The following ASIC2 variants were observed in gnomAD, a reference collection of about 807,000 sequenced individuals.
ASIC2 encodes acid-sensing ion channel 2.
In ASIC2, 25 loss-of-function variants were observed where a neutral mutation model predicts 57.3. That is an observed-to-expected ratio of 0.44 (90% CI 0.32 to 0.61). The LOEUF is 0.61. Among genes scored for constraint, ASIC2 ranks in the 20% least tolerant of loss-of-function variants. The pLI is 0.06. For synonymous variants in ASIC2, 319 were observed against 307.5 expected, an observed-to-expected ratio of 1.04 and a Z score of -0.39; for missense variants, 641 against 738.1, an observed-to-expected ratio of 0.87 and a Z score of 1.52.
Position 33,899,084 on chromosome 17 carries a change from C to T in ASIC2, c.555+256894G>A, listed in dbSNP as rs1412271013. Among the ~76,000 whole-genome samples, 2 of 150,730 alleles carry T rather than the reference C, an allele frequency of 1.3e-5. 1 individual carries two copies. Among genetic ancestry groups the T allele is most frequent in the Middle Eastern group, 6.8e-3 (2 of 292 alleles). On this transcript the variant is annotated intron_variant, in intron 1 of 9. Transcript: ENST00000359872. ...GAGAGCTTGCAGTGAGCTGAGATCGCGCCACTGCACTCCAGCCTGGGCGAC... is the reference window on the plus strand; with the variant it reads ...GAGAGCTTGCAGTGAGCTGAGATCGTGCCACTGCACTCCAGCCTGGGCGAC...
At chr17:33,646,833 G>A (rs548017158) in intron 1 of ASIC2, among the ~76,000 whole-genome samples, 28 of 152,216 alleles carry the variant, frequency 1.8e-4, no homozygotes, top group African/African-American at 6.5e-4. Flanking sequence ...AAATGGCAGA[G>A]TGACAGAGTA....
At chr17:33,550,453 A>G (rs1244659239) in intron 1 of ASIC2, among the ~76,000 whole-genome samples, 2 of 152,234 alleles carry the variant, frequency 1.3e-5, no homozygotes, top group Admixed American at 6.5e-5. Context: ...AGCTGCAGTG[A>G]TGTCACAGGA....
At chr17:33,621,497 T>G (rs1905797483) in intron 1 of ASIC2, among the ~76,000 whole-genome samples, 1 of 152,212 alleles carries the variant, frequency 6.6e-6, no homozygotes, top group South Asian at 2.1e-4. Context: ...CAGTGTACGC[T>G]GGTTCATCCT....
chr17:33,227,220 G>T (rs1907914475), intron 1 of ASIC2, among the ~76,000 whole-genome samples: 1 of 152,210 alleles, frequency 6.6e-6, no homozygotes, highest in East Asian at 1.9e-4. Context: ...TGCCACCCTA[G>T]TTGGAGGGGC....
At chr17:33,380,595 C>T (rs1909452566) in intron 1 of ASIC2, among the ~76,000 whole-genome samples, 1 of 152,198 alleles carries the variant, frequency 6.6e-6, no homozygotes, top group Non-Finnish European at 1.5e-5. Context: ...GGGTCTAGGC[C>T]AAGCTGTCGC....
chr17:33,949,627 G>A (rs1050146298), intron 1 of ASIC2, among the ~76,000 whole-genome samples: 5 of 152,166 alleles, frequency 3.3e-5, no homozygotes, highest in South Asian at 2.1e-4. Context: ...CAAACCATGC[G>A]TCATGTCCTC....
intron 1 of ASIC2, among the ~76,000 whole-genome samples, chr17:34,117,975 G>T (rs937466528): frequency 2.6e-5 from 4 of 152,176 alleles, no homozygotes; most frequent in African/African-American, 9.6e-5. Flanking sequence ...CCATTCTCTA[G>T]TGCAACTTCT....
chr17:33,669,955 G>A (rs77658650), intron 1 of ASIC2, among the ~76,000 whole-genome samples: 2,155 of 152,306 alleles, frequency 0.014, 26 homozygotes, highest in African/African-American at 0.026. Context: ...TGAAAAGGTT[G>A]AGAGATTTTA....
intron 1 of ASIC2, among the ~76,000 whole-genome samples, chr17:33,694,279 A>G (rs1321546274): frequency 6.6e-6 from 1 of 152,168 alleles, no homozygotes; most frequent in Non-Finnish European, 1.5e-5. Flanking sequence ...TCATATGAAA[A>G]TGCGTTCCAT....
chr17:33,405,344 G>C (rs1372271199), intron 1 of ASIC2, among the ~76,000 whole-genome samples: 1 of 152,084 alleles, frequency 6.6e-6, no homozygotes, highest in Non-Finnish European at 1.5e-5. Context: ...CCAAAGTAGT[G>C]TATTAACTAT....
At chr17:33,887,238 G>A (rs1404432901) in intron 1 of ASIC2, among the ~76,000 whole-genome samples, 2 of 152,156 alleles carry the variant, frequency 1.3e-5, no homozygotes, top group Admixed American at 1.3e-4. Context: ...GCATTGTATT[G>A]TGTACTGCTA....
Position 33,590,581 on chromosome 17 carries a change from AATCTCTATACCACAC to A in ASIC2, c.556-478529_556-478515del, listed in dbSNP as rs1567662627. On this transcript the variant is annotated intron_variant, in intron 1 of 9. Coordinates refer to the ASIC2 transcript ENST00000359872. The stretch of plus-strand genomic sequence containing the variant: ...CACCCCAATCTCTACACCACACCCC[AATCTCTATACCACAC>A]CCCAGTCTCTACACCACACCCCAGT... Among the ~76,000 whole-genome samples the A allele has an allele frequency of 4.9e-3, 748 of 151,464 alleles. 5 individuals carry two copies. Among genetic ancestry groups the A allele is most frequent in the African/African-American group, 0.017 (718 of 41,206 alleles).
intron 1 of ASIC2, among the ~76,000 whole-genome samples, chr17:33,608,200 C>T (rs945193350): frequency 1.3e-5 from 2 of 152,146 alleles, no homozygotes; most frequent in African/African-American, 4.8e-5. Flanking sequence ...GTGCTTATTT[C>T]CTTTAACTCT....
At chr17:33,908,813 C>A (rs1915401382) in intron 1 of ASIC2, among the ~76,000 whole-genome samples, 1 of 152,194 alleles carries the variant, frequency 6.6e-6, no homozygotes, top group Non-Finnish European at 1.5e-5. Flanking sequence ...TAATATACTG[C>A]CCTATGCTTA....
intron 1 of ASIC2, among the ~76,000 whole-genome samples, chr17:34,085,174 T>A (rs1598015962): frequency 6.6e-6 from 1 of 152,152 alleles, no homozygotes; most frequent in Non-Finnish European, 1.5e-5. Flanking sequence ...TGGCTGTGGG[T>A]GTGTCATAGA....
At chr17:34,099,221 A>AGG (rs1910704698) in intron 1 of ASIC2, among the ~76,000 whole-genome samples, 1 of 103,956 alleles carries the variant, frequency 9.6e-6, no homozygotes, top group African/African-American at 5.8e-5. Flanking sequence ...AGGAAAGAAA[A>AGG]GAAAGAAAAA....
intron 1 of ASIC2, among the ~76,000 whole-genome samples, chr17:34,082,716 T>C (rs746077639): frequency 1.1e-4 from 16 of 152,224 alleles, no homozygotes; most frequent in Non-Finnish European, 2.2e-4. Context: ...TGCATTACCT[T>C]ACTAAATCCT....
rs113028186 is a variant in ASIC2 at position 33,188,210 on chromosome 17, T to C, written c.709-76143A>G. On this transcript the variant is annotated intron_variant, in intron 1 of 9. Coordinates refer to ENST00000225823, the MANE Select transcript of ASIC2 (RefSeq NM_183377.2). ...GCACTGGTTGGAATTAACAGCAGATTAGACACTGCAAAAGAAAAGATCAGT... is the reference window on the plus strand; with the variant it reads ...GCACTGGTTGGAATTAACAGCAGATCAGACACTGCAAAAGAAAAGATCAGT... Among the ~76,000 whole-genome samples the C allele has an allele frequency of 1.0e-2, 1,522 of 152,210 alleles. 7 individuals carry two copies. The highest frequency in any genetic ancestry group is 0.017 in the African/African-American group (719 of 41,562).
chr17:34,021,276 G>A (rs983107684), intron 1 of ASIC2, among the ~76,000 whole-genome samples: 9 of 151,676 alleles, frequency 5.9e-5, no homozygotes, highest in Non-Finnish European at 1.3e-4. Flanking sequence ...ATAGACTACT[G>A]CCATCACTCC....
Sources: gnomAD v4.1 joint callset for allele counts (sites outside exome capture counted in the v4.1 genomes callset) on GRCh38, gnomAD v4.1.1 for gene constraint, MANE v1.5 for transcripts, NCBI Gene and HGNC (gene_info 2026-07-23, HGNC 2026-07-21) for gene names.